The following SLC22A25 variants were observed in gnomAD, a reference collection of about 807,000 sequenced individuals.
SLC22A25 encodes solute carrier family 22 member 25.
SLC22A25 carries 44 observed loss-of-function variants against 45.9 expected under a neutral mutation model. That is an observed-to-expected ratio of 0.96 (90% CI 0.75 to 1.23). The LOEUF is 1.23. SLC22A25 is among the 50% of genes most tolerant of loss of function. The pLI is 0.00. For synonymous variants in SLC22A25, 283 were observed against 238.6 expected (o/e 1.19, Z -1.72); for missense variants, 800 against 666.4 (o/e 1.20, Z -2.21).
At chr11:63,190,449 A>AT (rs554899173) in intron 7 of SLC22A25, among the ~76,000 whole-genome samples, 7 of 150,876 alleles carry the variant, frequency 4.6e-5, no homozygotes, top group East Asian at 1.9e-4. Context: ...CATTCGTCTA[A>AT]TTTTTTTTTC....
chr11:63,188,537 C>A (rs1222850210), intron 7 of SLC22A25, among the ~76,000 whole-genome samples: 2 of 152,156 alleles, frequency 1.3e-5, no homozygotes, highest in Non-Finnish European at 1.5e-5. Context: ...CTTTGTGTCT[C>A]TATCTCCTTC....
intron 7 of SLC22A25, among the ~76,000 whole-genome samples, chr11:63,201,718 G>C (rs956571622): frequency 2.6e-5 from 4 of 152,082 alleles, no homozygotes; most frequent in African/African-American, 9.7e-5. Flanking sequence ...AGAGTAAACA[G>C]ACAACCTACA....
intron 8 of SLC22A25, among the ~76,000 whole-genome samples, chr11:63,183,003 T>TC (rs1565076145): frequency 6.6e-6 from 1 of 152,158 alleles, no homozygotes; most frequent in Non-Finnish European, 1.5e-5. Flanking sequence ...GACCCTGACT[T>TC]CCTCTGTCAT....
intron 7 of SLC22A25, among the ~76,000 whole-genome samples, chr11:63,199,249 C>T (rs763213507): frequency 7.2e-5 from 11 of 151,870 alleles, no homozygotes; most frequent in Non-Finnish European, 1.6e-4. Flanking sequence ...GAAATACAAA[C>T]AACAATCAGA....
rs770798148 is a variant in SLC22A25, at chr11:63,217,682, C to T, written c.560G>A (p.Gly187Asp). 39 of 1,613,716 alleles carry T rather than the reference C, an allele frequency of 2.4e-5. No homozygotes were observed. The highest frequency in any genetic ancestry group is 5.3e-5 in the African/African-American group (4 of 74,896). Reference sequence around the variant, plus strand: ...GGTGGGAGCAAAGGCCGCACAGGTGCCTACAATGGCGAGCTGGAGGTAAGA... The same window carrying T: ...GGTGGGAGCAAAGGCCGCACAGGTGTCTACAATGGCGAGCTGGAGGTAAGA... Reference protein sequence around the residue: ...RWSYLQLAIVGTCAAFAPTIL... With the variant: ...RWSYLQLAIVDTCAAFAPTIL... Residue 187 changes from glycine to aspartate, a missense_variant, in exon 6 of 12, where the codon GGC becomes GAC. Physicochemically the swap from Gly to Asp is moderately conservative, Grantham distance 94. Transcript: ENST00000306494.
Position 63,226,389 on chromosome 11 carries a change from G to A in SLC22A25, c.506+2072C>T, listed in dbSNP as rs183214085. On this transcript the variant is annotated intron_variant, in intron 5 of 11. Coordinates refer to ENST00000306494, the MANE Select transcript of SLC22A25 (RefSeq NM_199352.6). ...GGGGGCCTCCAAACATAGTAATGCT[G>A]TAGTTCTTGCAGACTGCCTTGGTGG... Among the ~76,000 whole-genome samples the A allele has an allele frequency of 2.2e-4, 33 of 152,336 alleles. 1 individual carries two copies. Among genetic ancestry groups the A allele is most frequent in the Admixed American group, 1.8e-3 (28 of 15,306 alleles).
At chr11:63,213,699 G>A (rs772357201) in intron 7 of SLC22A25, among the ~76,000 whole-genome samples, 1 of 152,148 alleles carries the variant, frequency 6.6e-6, no homozygotes, top group African/African-American at 2.4e-5. Flanking sequence ...GGAGAAACCC[G>A]ATTGGAAGGG....
At chr11:63,215,964 T>C (rs1193643) in intron 7 of SLC22A25, among the ~76,000 whole-genome samples, 148,772 of 152,300 alleles carry the variant, frequency 0.98, 72,725 homozygotes, top group East Asian at 1. Context: ...TTTTTTATGG[T>C]TGCATAATCA....
Position 63,229,781 on chromosome 11 carries a change from A to G in SLC22A25, c.-129T>C. The stretch of plus-strand genomic sequence containing the variant: ...TGATCCTGACCCCACTCTCTTCTTA[A>G]TGGGCCCTCTCTCCCATCTGCAGCA... On this transcript the variant is annotated 5_prime_UTR_variant, in exon 4 of 12. Transcript: ENST00000306494. The G allele has an allele frequency of 5.3e-6, 5 of 936,058 alleles. No individual in the cohort carries two copies. The highest frequency in any genetic ancestry group is 7.5e-6 in the Non-Finnish European group (5 of 666,068). The allele number at this position is 936,058 out of a possible 1,614,324, so 58.0% of individuals were successfully genotyped here.
At position 63,229,262 on chromosome 11, in the gene SLC22A25, T is replaced by C; in HGVS notation, c.391A>G (p.Ile131Val). 1 of 1,531,044 alleles carries C rather than the reference T, an allele frequency of 6.5e-7. No homozygotes were observed. The highest frequency in any genetic ancestry group is 8.8e-7 in the Non-Finnish European group (1 of 1,136,702). The allele number at this position is 1,531,044 out of a possible 1,614,324, so 94.8% of individuals were successfully genotyped here. A position where few individuals can be genotyped will look rare whatever the true frequency, so the allele number is the denominator to read the frequency against. Reference sequence around the variant, plus strand: ...ATGAGGCCTCTTACCTTAGTCACAATGGTGGAAGGGAAGGAGCTTTGGTCA... The same window carrying C: ...ATGAGGCCTCTTACCTTAGTCACAACGGTGGAAGGGAAGGAGCTTTGGTCA... ...VYDQSSFPST[I>V]VTKWDLVCES... The change falls in exon 4 of 12, where the codon ATT (isoleucine) becomes GTT (valine). Residue 131 changes from isoleucine to valine, a missense_variant. Coordinates refer to ENST00000306494, the MANE Select transcript of SLC22A25 (RefSeq NM_199352.6).
chr11:63,225,759 C>T (rs1374794035), intron 5 of SLC22A25, among the ~76,000 whole-genome samples: 1 of 152,096 alleles, frequency 6.6e-6, no homozygotes, highest in Non-Finnish European at 1.5e-5. Flanking sequence ...AGGCCAATAA[C>T]CCTTGGATTT....
intron 7 of SLC22A25, among the ~76,000 whole-genome samples, chr11:63,212,008 G>A (rs1275047607): frequency 1.3e-5 from 2 of 152,078 alleles, no homozygotes; most frequent in Non-Finnish European, 2.9e-5. Flanking sequence ...GTGGGCGAAG[G>A]ATATGAATAG....
chr11:63,235,152 G>C (rs2090141833), intron 3 of SLC22A25, among the ~76,000 whole-genome samples: 1 of 152,218 alleles, frequency 6.6e-6, no homozygotes, highest in South Asian at 2.1e-4. Context: ...GAGTATCTTT[G>C]TGGCATTCTC....
rs2087521756 is a variant in SLC22A25, at chr11:63,160,202, C to T, written c.*3622G>A. ...CCCTAAGACAATGGGGAAAATGTCT[C>T]CAGGGCATGTCAGAGACCTTTGTGA... On this transcript the variant is annotated 3_prime_UTR_variant, in exon 12 of 12. Coordinates refer to ENST00000306494, the MANE Select transcript of SLC22A25 (RefSeq NM_199352.6). Among the ~76,000 whole-genome samples the T allele has an allele frequency of 6.6e-6, 1 of 152,180 alleles. No individual in the cohort carries two copies.
chr11:63,239,952 C>T lies in SLC22A25; in HGVS notation c.-995-817G>A, dbSNP rs148692896. On this transcript the variant is annotated intron_variant, in intron 1 of 11. Coordinates refer to ENST00000306494, the MANE Select transcript of SLC22A25 (RefSeq NM_199352.6). Reference sequence around the variant, plus strand: ...TTCACAGTCATGCATCTCAAAACAACAGGAATATGCTCTGAGAAATGCATT... The same window carrying T: ...TTCACAGTCATGCATCTCAAAACAATAGGAATATGCTCTGAGAAATGCATT... 2.7e-3 allele frequency among the ~76,000 whole-genome samples: 405 copies of T among 152,246 alleles called. 2 individuals are homozygous for T. The highest frequency in any genetic ancestry group is 8.3e-3 in the African/African-American group (343 of 41,564).
intron 7 of SLC22A25, among the ~76,000 whole-genome samples, chr11:63,203,537 C>G (rs1395017137): frequency 1.3e-5 from 2 of 151,548 alleles, no homozygotes; most frequent in Non-Finnish European, 2.9e-5. Context: ...CAAAATTGAT[C>G]AAGCAGAAGA....
At chr11:63,206,595 C>T (rs750513750) in intron 7 of SLC22A25, among the ~76,000 whole-genome samples, 12 of 152,170 alleles carry the variant, frequency 7.9e-5, no homozygotes, top group Non-Finnish European at 1.6e-4. Flanking sequence ...TGAAGGATGT[C>T]TTCAAGGAGA....
Position 63,229,299 on chromosome 11 carries a change from A to G in SLC22A25, c.354T>C (p.Asp118=). 6.3e-7 allele frequency: 1 copy of G among 1,592,770 alleles called. No individual in the cohort carries two copies. The highest frequency in any genetic ancestry group is 8.6e-7 in the Non-Finnish European group (1 of 1,167,810). ...TSEPDTEPCV[D]GWVYDQSSFP... The stretch of plus-strand genomic sequence containing the variant: ...AGGAGCTTTGGTCATATACCCAGCC[A>G]TCCACACAGGGCTCTGTATCTGGCT... Residue 118 remains aspartate, a synonymous_variant, in exon 4 of 12, where the codon GAT becomes GAC. Transcript: ENST00000306494.
Position 63,183,659 on chromosome 11 carries a change from C to T in SLC22A25, c.954+35G>A, listed in dbSNP as rs765884971. The stretch of plus-strand genomic sequence containing the variant: ...AAGTATAGATGACAATTTATGTCTT[C>T]CCAGCATCCCATATCCAGCTCCCGT... On this transcript the variant is annotated intron_variant, in intron 8 of 11. Coordinates refer to ENST00000306494, the MANE Select transcript of SLC22A25 (RefSeq NM_199352.6). 15 of 1,611,030 alleles carry T rather than the reference C, an allele frequency of 9.3e-6. No individual in the cohort carries two copies. In the Admixed American group the frequency reaches 2.3e-4, roughly 25 times the overall value.
Sources: allele counts gnomAD v4.1 joint callset (sites outside exome capture counted in the v4.1 genomes callset), GRCh38; gene constraint gnomAD v4.1.1; transcripts MANE v1.5; gene names NCBI Gene and HGNC (gene_info 2026-07-23, HGNC 2026-07-21).